Variants in SPOCK3 observed in about 807,000 individuals in gnomAD.
SPOCK3 encodes testican-3.
SPOCK3 carries 30 observed loss-of-function variants against 56.6 expected under a neutral mutation model. That is an observed-to-expected ratio of 0.53 (90% confidence interval 0.40 to 0.72). The LOEUF (loss-of-function observed/expected upper bound fraction) is 0.72, where lower values mean the gene tolerates loss of function less well. SPOCK3 is among the 30% of genes least tolerant of loss of function. The pLI, the probability that SPOCK3 is intolerant of heterozygous loss-of-function variation, is 0.00. For synonymous variants in SPOCK3, 196 were observed against 183.3 expected (o/e 1.07, Z -0.56); for missense variants, 527 against 530.0 (o/e 0.99, Z 0.06).
intron 6 of SPOCK3, among the ~76,000 whole-genome samples, chr4:166,827,876 C>G (rs1453055072): frequency 6.6e-6 from 1 of 151,026 alleles, no homozygotes; most frequent in Non-Finnish European, 1.5e-5. Context: ...GTAAATCATT[C>G]TAAGACCACA....
At chr4:167,009,745 C>A (rs34244687) in intron 3 of SPOCK3, among the ~76,000 whole-genome samples, 3,579 of 152,036 alleles carry the variant, frequency 0.024, 76 homozygotes, top group Middle Eastern at 0.061. Context: ...CAAATTTAAT[C>A]CACTCAAAAA....
At chr4:167,145,020 C>T (rs1763825778) in intron 2 of SPOCK3, among the ~76,000 whole-genome samples, 1 of 151,674 alleles carries the variant, frequency 6.6e-6, no homozygotes, top group African/African-American at 2.4e-5. Flanking sequence ...AAAACTGTAA[C>T]ACAGCAAATT....
chr4:166,745,052 G>A (rs949627431), intron 8 of SPOCK3, among the ~76,000 whole-genome samples: 2 of 152,286 alleles, frequency 1.3e-5, no homozygotes, highest in Admixed American at 1.3e-4. Context: ...GAACCAAGTT[G>A]GAAAACACTC....
intron 2 of SPOCK3, chr4:167,119,867 T>A: frequency 6.6e-7 from 1 of 1,526,086 alleles, no homozygotes; most frequent in Non-Finnish European, 8.8e-7. Flanking sequence ...TAATCGTTTT[T>A]CTTCTTACTA....
At chr4:166,896,358 A>G (rs1307695157) in intron 5 of SPOCK3, among the ~76,000 whole-genome samples, 1 of 152,152 alleles carries the variant, frequency 6.6e-6, no homozygotes, top group East Asian at 1.9e-4. Context: ...AGCAGCTGAC[A>G]CAAGGCAACT....
At chr4:166,859,486 C>T (rs531537306) in intron 6 of SPOCK3, among the ~76,000 whole-genome samples, 1 of 152,158 alleles carries the variant, frequency 6.6e-6, no homozygotes, top group East Asian at 1.9e-4. Flanking sequence ...AGAAAACAAA[C>T]TGGTCTTGGA....
chr4:166,807,376 G>A (rs1308045023), intron 6 of SPOCK3, among the ~76,000 whole-genome samples: 3 of 151,642 alleles, frequency 2.0e-5, no homozygotes, highest in Non-Finnish European at 2.9e-5. Context: ...TCTCATCTTC[G>A]TCACTTAAGG....
chr4:166,939,714 C>A (rs1740834327), intron 4 of SPOCK3, among the ~76,000 whole-genome samples: 1 of 152,136 alleles, frequency 6.6e-6, no homozygotes, highest in Non-Finnish European at 1.5e-5. Flanking sequence ...TATCTAGTCA[C>A]CTCGGTCTTG....
chr4:167,054,646 T>C (rs188953177), intron 3 of SPOCK3, among the ~76,000 whole-genome samples: 3 of 152,338 alleles, frequency 2.0e-5, no homozygotes, highest in East Asian at 3.9e-4. Context: ...ATCATCAAAA[T>C]AGTTTTTACT....
intron 7 of SPOCK3, among the ~76,000 whole-genome samples, chr4:166,773,724 A>G (rs578205127): frequency 6.6e-6 from 1 of 152,294 alleles, no homozygotes; most frequent in East Asian, 1.9e-4. Context: ...GTTTTAGCTA[A>G]CATTCCATTA....
At chr4:167,233,742 G>C (rs1245630278) in intron 2 of SPOCK3, among the ~76,000 whole-genome samples, 3 of 152,096 alleles carry the variant, frequency 2.0e-5, no homozygotes, top group Non-Finnish European at 4.4e-5. Flanking sequence ...AGAGCAGGGT[G>C]GGGGAGGAAG....
At chr4:167,216,665 G>C (rs750451690) in intron 2 of SPOCK3, among the ~76,000 whole-genome samples, 1 of 152,046 alleles carries the variant, frequency 6.6e-6, no homozygotes, top group Non-Finnish European at 1.5e-5. Context: ...AGCTTTAAGA[G>C]TTGTGTTCTG....
chr4:166,952,858 T>G (rs2150040544), intron 4 of SPOCK3, among the ~76,000 whole-genome samples: 2 of 152,004 alleles, frequency 1.3e-5, no homozygotes, highest in Non-Finnish European at 2.9e-5. Flanking sequence ...TAATAAATGG[T>G]GCTGGGTAAA....
intron 6 of SPOCK3, among the ~76,000 whole-genome samples, chr4:166,888,314 AATT>A (rs1734416369): frequency 6.6e-6 from 1 of 152,100 alleles, no homozygotes; most frequent in African/African-American, 2.4e-5. Context: ...ATCCAATAAT[AATT>A]ATTAGATTAG....
intron 4 of SPOCK3, among the ~76,000 whole-genome samples, chr4:166,958,695 T>C (rs1743798714): frequency 6.6e-6 from 1 of 152,150 alleles, no homozygotes; most frequent in Non-Finnish European, 1.5e-5. Flanking sequence ...AAACTTCAGG[T>C]GATTATGAAA....
At chr4:166,928,990 C>A (rs1289425723) in intron 4 of SPOCK3, among the ~76,000 whole-genome samples, 2 of 150,676 alleles carry the variant, frequency 1.3e-5, no homozygotes, top group Admixed American at 6.6e-5. Context: ...ACAACAACAA[C>A]AAAAACTATG....
chr4:167,200,014 T>C (rs1207732340), intron 2 of SPOCK3, among the ~76,000 whole-genome samples: 2 of 152,098 alleles, frequency 1.3e-5, no homozygotes, highest in African/African-American at 4.8e-5. Context: ...CTTTGAAATG[T>C]TGGCATAATT....
At chr4:166,801,874 T>G (rs1454678147) in intron 6 of SPOCK3, among the ~76,000 whole-genome samples, 1 of 152,058 alleles carries the variant, frequency 6.6e-6, no homozygotes, top group Non-Finnish European at 1.5e-5. Context: ...TAAAAATAAA[T>G]GTAGAATGTG....
chr4:166,935,309 G>T lies in SPOCK3; in HGVS notation c.351-22566C>A, dbSNP rs148759203. Among the ~76,000 whole-genome samples, 254 of 152,218 alleles carry T rather than the reference G, an allele frequency of 1.7e-3. 6 individuals are homozygous for T. The East Asian group carries it at 0.036, about 21-fold the overall frequency. ...AGGCTTGCTCCCACTTACAATAAAA[G>T]TGGCAAAACTCCAAGCTCGATGTTC... is the stretch of plus-strand genomic sequence containing the variant. On this transcript the variant is annotated intron_variant, in intron 4 of 10. Coordinates refer to ENST00000357545, the MANE Select transcript of SPOCK3 (RefSeq NM_001040159.2).
Sources: allele counts gnomAD v4.1 joint callset (sites outside exome capture counted in the v4.1 genomes callset), GRCh38; gene constraint gnomAD v4.1.1; transcripts MANE v1.5; gene names NCBI Gene and HGNC (gene_info 2026-07-23, HGNC 2026-07-21).